KIAA1328: variants seen among roughly 807,000 people sequenced by gnomAD.
The protein encoded by KIAA1328 is KIAA1328.
A neutral mutation model predicts 68.1 loss-of-function variants in KIAA1328; 52 were observed. That is an observed-to-expected ratio of 0.76 (90% CI 0.61 to 0.96). KIAA1328 has a LOEUF of 0.96. KIAA1328 is among the 40% of genes least tolerant of loss of function. The probability of loss-of-function intolerance (pLI) is 0.00; values close to 1 mark genes in which losing one functional copy is unlikely to be tolerated. For missense variants in KIAA1328, 641 were observed against 677.6 expected, an observed-to-expected ratio of 0.95 and a Z score of 0.60; for synonymous variants, 232 against 239.4, an observed-to-expected ratio of 0.97 and a Z score of 0.28.
intron 5 of KIAA1328, among the ~76,000 whole-genome samples, chr18:36,948,129 A>G (rs1185249772): frequency 1.3e-5 from 2 of 152,116 alleles, no homozygotes; most frequent in Admixed American, 6.6e-5. Context: ...TTGCAGGAGT[A>G]TGAAGAAAGA....
At chr18:37,205,636 A>T (rs2060202978) in intron 9 of KIAA1328, among the ~76,000 whole-genome samples, 1 of 152,248 alleles carries the variant, frequency 6.6e-6, no homozygotes, top group Non-Finnish European at 1.5e-5. Context: ...AAAACAAATA[A>T]TGCAAGTTAA....
At chr18:36,898,436 A>T (rs1423304260) in intron 5 of KIAA1328, among the ~76,000 whole-genome samples, 1 of 151,940 alleles carries the variant, frequency 6.6e-6, no homozygotes, top group Non-Finnish European at 1.5e-5. Flanking sequence ...ATGTGTTCTG[A>T]CAAGGCATAG....
chr18:36,990,008 A>G (rs2053111081), intron 6 of KIAA1328, among the ~76,000 whole-genome samples: 1 of 152,058 alleles, frequency 6.6e-6, no homozygotes. Context: ...ACTACTTTTT[A>G]AGACAGTTTT....
At chr18:36,964,038 T>A (rs2051812189) in intron 6 of KIAA1328, among the ~76,000 whole-genome samples, 3 of 152,204 alleles carry the variant, frequency 2.0e-5, no homozygotes. Context: ...GCAGAATGAA[T>A]GAATCAGCCA....
At chr18:37,061,923 A>G (rs1366104887) in intron 6 of KIAA1328, among the ~76,000 whole-genome samples, 1 of 152,192 alleles carries the variant, frequency 6.6e-6, no homozygotes, top group Non-Finnish European at 1.5e-5. Flanking sequence ...TGATAAATAT[A>G]GCTCTTTCCT....
intron 6 of KIAA1328, among the ~76,000 whole-genome samples, chr18:36,996,401 C>T (rs141858861): frequency 2.4e-4 from 36 of 152,162 alleles, no homozygotes; most frequent in African/African-American, 8.2e-4. Context: ...AGTAGAGCCA[C>T]GATTCTAACA....
intron 4 of KIAA1328, among the ~76,000 whole-genome samples, chr18:36,849,157 G>C (rs769016274): frequency 1.8e-4 from 27 of 151,870 alleles, no homozygotes; most frequent in Non-Finnish European, 3.2e-4. Flanking sequence ...TCTGTGAAAC[G>C]CAATGTGCAT....
At chr18:37,025,603 C>A (rs2054538853) in intron 6 of KIAA1328, among the ~76,000 whole-genome samples, 1 of 152,198 alleles carries the variant, frequency 6.6e-6, no homozygotes, top group Non-Finnish European at 1.5e-5. Context: ...GGAAACTGAA[C>A]AACCTGCTCC....
intron 8 of KIAA1328, among the ~76,000 whole-genome samples, chr18:37,164,410 C>G (rs565768393): frequency 6.6e-6 from 1 of 152,258 alleles, no homozygotes; most frequent in South Asian, 2.1e-4. Context: ...TTATGGTGAT[C>G]AATTGGTAAT....
chr18:36,887,855 A>G (rs534296224), intron 5 of KIAA1328, among the ~76,000 whole-genome samples: 13 of 152,292 alleles, frequency 8.5e-5, no homozygotes, highest in Admixed American at 3.3e-4. Flanking sequence ...AATCTATAGC[A>G]TACAGTGGAA....
At chr18:36,879,147 C>T (rs906297548) in intron 4 of KIAA1328, among the ~76,000 whole-genome samples, 4 of 151,320 alleles carry the variant, frequency 2.6e-5, no homozygotes, top group African/African-American at 9.7e-5. Flanking sequence ...TCCTCATCTT[C>T]ATGGATTTAT....
chr18:36,840,458 ATT>A (rs199672374), intron 3 of KIAA1328, among the ~76,000 whole-genome samples: 19 of 133,178 alleles, frequency 1.4e-4, no homozygotes, highest in Admixed American at 2.2e-4. Flanking sequence ...ATGTCTTGTG[ATT>A]TTTTTTTTTT....
chr18:37,184,218 C>A (rs896536480), intron 9 of KIAA1328, among the ~76,000 whole-genome samples: 15 of 152,190 alleles, frequency 9.9e-5, no homozygotes, highest in African/African-American at 3.6e-4. Flanking sequence ...GCTTATACAT[C>A]TAGTTGTACT....
At chr18:36,885,286 G>A (rs2048459876) in intron 4 of KIAA1328, among the ~76,000 whole-genome samples, 1 of 152,084 alleles carries the variant, frequency 6.6e-6, no homozygotes, top group Non-Finnish European at 1.5e-5. Flanking sequence ...TTTGGCACCT[G>A]CATCCTTTGT....
At chr18:36,952,689 A>C (rs1025177772) in intron 5 of KIAA1328, among the ~76,000 whole-genome samples, 1 of 152,230 alleles carries the variant, frequency 6.6e-6, no homozygotes, top group African/African-American at 2.4e-5. Context: ...CATTGTATTC[A>C]GAAAACATTT....
intron 7 of KIAA1328, among the ~76,000 whole-genome samples, chr18:37,078,035 A>G (rs1426792017): frequency 6.6e-6 from 1 of 152,224 alleles, no homozygotes; most frequent in African/African-American, 2.4e-5. Context: ...GTCCTAAGCC[A>G]AAAGAACAAA....
chr18:36,841,406 A>G (rs946301560), intron 3 of KIAA1328, among the ~76,000 whole-genome samples: 3 of 151,242 alleles, frequency 2.0e-5, no homozygotes, highest in African/African-American at 7.3e-5. Context: ...GGGTCAATAG[A>G]CTGTCAGTAT....
At chr18:37,001,595 A>T (rs538976375) in intron 6 of KIAA1328, among the ~76,000 whole-genome samples, 12 of 152,312 alleles carry the variant, frequency 7.9e-5, no homozygotes, top group African/African-American at 2.9e-4. Flanking sequence ...TCCCTGACGA[A>T]CATAGACACA....
intron 9 of KIAA1328, among the ~76,000 whole-genome samples, chr18:37,202,116 C>A (rs1354937783): frequency 6.7e-6 from 1 of 149,398 alleles, no homozygotes; most frequent in Non-Finnish European, 1.5e-5. Context: ...AGAAATCAGG[C>A]CTAGAGAAAG....
Sources: gnomAD v4.1 joint callset for allele counts (sites outside exome capture counted in the v4.1 genomes callset) on GRCh38, gnomAD v4.1.1 for gene constraint, MANE v1.5 for transcripts, NCBI Gene and HGNC (gene_info 2026-07-23, HGNC 2026-07-21) for gene names.